The following XXYLT1 variants were observed in gnomAD, a reference collection of about 807,000 sequenced individuals.
XXYLT1 encodes xyloside xylosyltransferase 1.
A neutral mutation model predicts 28.9 loss-of-function variants in XXYLT1; 20 were observed. The observed-to-expected ratio is 0.69, with a 90% CI of 0.49 to 1.00. The LOEUF is 1.00. XXYLT1 is among the 50% of genes least tolerant of loss of function. XXYLT1 has a pLI of 0.00. For missense variants in XXYLT1, 542 were observed against 560.1 expected, an observed-to-expected ratio of 0.97 and a Z score of 0.33; for synonymous variants, 257 against 253.8, an observed-to-expected ratio of 1.01 and a Z score of -0.12.
At position 195,175,621 on chromosome 3, in the gene XXYLT1, T is replaced by C. The variant is rs1379921172; in HGVS notation, c.653-19040A>G. Reference sequence around the variant, plus strand: ...TGGACACGGTAGTAACAGACATCGCTAGTGCTCACCCGCACTCTGCCTTCC... The same window carrying C: ...TGGACACGGTAGTAACAGACATCGCCAGTGCTCACCCGCACTCTGCCTTCC... On this transcript the variant is annotated intron_variant, in intron 2 of 3. Coordinates refer to ENST00000310380, the MANE Select transcript of XXYLT1 (RefSeq NM_152531.5). The C allele has an allele frequency of 3.3e-6, 5 of 1,536,044 alleles. No homozygotes were observed. The East Asian group carries it at 7.3e-5, about 23-fold the overall frequency.
chr3:195,206,930 A>G (rs1215945867), intron 2 of XXYLT1, among the ~76,000 whole-genome samples: 3 of 152,140 alleles, frequency 2.0e-5, no homozygotes, highest in African/African-American at 7.2e-5. Flanking sequence ...GTACACAGGC[A>G]TTCATTATGC....
intron 1 of XXYLT1, chr3:195,247,645 C>T (rs1725082027): frequency 1.8e-6 from 1 of 562,578 alleles, no homozygotes; most frequent in Admixed American, 2.9e-5. Flanking sequence ...CCCCAGACAG[C>T]CCTGCCAGGC....
In XXYLT1 at chr3:195,180,980, G is replaced by A. The variant is rs1324516242; in HGVS notation, c.653-24399C>T. On this transcript the variant is annotated intron_variant, in intron 2 of 3. Coordinates refer to ENST00000310380, the MANE Select transcript of XXYLT1 (RefSeq NM_152531.5). The surrounding 1 kb of genome is among the most constrained non-coding windows in gnomAD (Gnocchi z 5.8). ...AACTGATTTCAAGGAATTCAGTTCA[G>A]ACAAAGGGCTAAAGGGTGGTGACTC... 1.4e-4 allele frequency among the ~76,000 whole-genome samples: 22 copies of A among 152,218 alleles called. No individual in the cohort carries two copies. Among genetic ancestry groups the A allele is most frequent in the Non-Finnish European group, 2.9e-5 (2 of 68,042 alleles).
chr3:195,106,332 T>C (rs1426324843), intron 3 of XXYLT1, among the ~76,000 whole-genome samples: 1 of 152,164 alleles, frequency 6.6e-6, no homozygotes. Flanking sequence ...AGAGATGCTC[T>C]TGTTGTGTTT....
rs186642126 is a variant in XXYLT1, at chr3:195,241,069, C to T, written c.505-14213G>A. ...TTGGAAATGGCCTCTCCCACTCTCC[C>T]ACTCTCAGGCCTCGTCAAGCCTGGC... On this transcript the variant is annotated intron_variant, in intron 1 of 3. Coordinates refer to ENST00000310380, the MANE Select transcript of XXYLT1 (RefSeq NM_152531.5). Among the ~76,000 whole-genome samples the T allele has an allele frequency of 5.8e-4, 88 of 152,368 alleles. 2 individuals are homozygous for T. Among genetic ancestry groups the T allele is most frequent in the Non-Finnish European group, 1.0e-4 (7 of 68,034 alleles).
intron 1 of XXYLT1, among the ~76,000 whole-genome samples, chr3:195,232,009 T>C (rs960679756): frequency 6.6e-6 from 1 of 152,118 alleles, no homozygotes; most frequent in Non-Finnish European, 1.5e-5. Context: ...GAGAAGCCAT[T>C]GCATCCTTGG....
chr3:195,250,542 C>T (rs536807935), intron 1 of XXYLT1, among the ~76,000 whole-genome samples: 5 of 148,240 alleles, frequency 3.4e-5, no homozygotes, highest in East Asian at 2.0e-4. Flanking sequence ...CCAGCCTGGG[C>T]GGCAAGAGTG....
chr3:195,173,094 T>C lies in XXYLT1; in HGVS notation c.653-16513A>G, dbSNP rs1721490504. Reference sequence around the variant, plus strand: ...GCACCTCTCCATGCCTCTACCCTGATCCTGGCGTCCTGGTACACATCTTGC... The same window carrying C: ...GCACCTCTCCATGCCTCTACCCTGACCCTGGCGTCCTGGTACACATCTTGC... On this transcript the variant is annotated intron_variant, in intron 2 of 3. Coordinates refer to ENST00000310380, the MANE Select transcript of XXYLT1 (RefSeq NM_152531.5). The surrounding 1 kb of genome is among the most constrained non-coding windows in gnomAD (Gnocchi z 4.3). Among the ~76,000 whole-genome samples the C allele has an allele frequency of 6.6e-6, 1 of 152,192 alleles. No homozygotes were observed. The highest frequency in any genetic ancestry group is 1.5e-5 in the Non-Finnish European group (1 of 68,048).
rs1299462367 is a variant in XXYLT1 at position 195,150,838 on chromosome 3, ACTCT to A, written c.785+5607_785+5610del. 4.6e-5 allele frequency among the ~76,000 whole-genome samples: 4 copies of A among 86,974 alleles called. No individual in the cohort carries two copies. Among genetic ancestry groups the A allele is most frequent in the Admixed American group, 2.3e-4 (2 of 8,634 alleles). 57.1% of individuals were successfully genotyped at this position (86,974 alleles called of 152,430 possible). On this transcript the variant is annotated intron_variant, in intron 3 of 3. Transcript: ENST00000310380. The surrounding 1 kb of genome is among the most constrained non-coding windows in gnomAD (Gnocchi z 4.7). ...TACACACACACTCACACATACGCAC[ACTCT>A]CTCACACACTCTCACACACACACAC...
intron 3 of XXYLT1, among the ~76,000 whole-genome samples, chr3:195,123,419 G>C (rs1186091278): frequency 1.3e-5 from 2 of 152,166 alleles, no homozygotes; most frequent in Non-Finnish European, 2.9e-5. Context: ...CCTGACTGAT[G>C]AGGCTTTGGG....
chr3:195,190,049 T>C (rs1334057802), intron 2 of XXYLT1, among the ~76,000 whole-genome samples: 12 of 150,532 alleles, frequency 8.0e-5, no homozygotes, highest in African/African-American at 5.0e-5. Context: ...GGCAATGTGA[T>C]GACATAAAGT....
At chr3:195,247,535 T>C (rs1725077880) in intron 1 of XXYLT1, among the ~76,000 whole-genome samples, 2 of 152,220 alleles carry the variant, frequency 1.3e-5, no homozygotes. Flanking sequence ...CCGGCCTCTC[T>C]TGAAACTGGC....
chr3:195,142,898 C>T (rs1719567423), intron 3 of XXYLT1, among the ~76,000 whole-genome samples: 1 of 152,216 alleles, frequency 6.6e-6, no homozygotes, highest in Non-Finnish European at 1.5e-5. Context: ...CCCTCCATTC[C>T]TCCCTGGCCA....
chr3:195,089,958 A>G (rs561834946), intron 3 of XXYLT1, among the ~76,000 whole-genome samples: 2 of 152,050 alleles, frequency 1.3e-5, no homozygotes, highest in East Asian at 3.9e-4. Flanking sequence ...AAAGGGATCA[A>G]TTCAACAAGA....
intron 2 of XXYLT1, among the ~76,000 whole-genome samples, chr3:195,196,565 C>A (rs562561493): frequency 6.6e-6 from 1 of 152,124 alleles, no homozygotes; most frequent in Non-Finnish European, 1.5e-5. Context: ...GGCAGATAGG[C>A]GGAGAAAGAG....
intron 2 of XXYLT1, among the ~76,000 whole-genome samples, chr3:195,169,755 G>A (rs1721303725): frequency 6.6e-6 from 1 of 151,768 alleles, no homozygotes; most frequent in Non-Finnish European, 1.5e-5. Flanking sequence ...TGTAATCACA[G>A]GGATAAATAT....
intron 3 of XXYLT1, among the ~76,000 whole-genome samples, chr3:195,111,647 T>TTA (rs1294698948): frequency 6.6e-6 from 1 of 152,136 alleles, no homozygotes; most frequent in Admixed American, 6.5e-5. Context: ...TGAACGAGTA[T>TTA]TATACTATCA....
At chr3:195,128,328 T>C (rs1874101) in intron 3 of XXYLT1, among the ~76,000 whole-genome samples, 29,035 of 151,994 alleles carry the variant, frequency 0.19, 3,347 homozygotes, top group East Asian at 0.57. Flanking sequence ...CCTTAACCCA[T>C]AGCGCATTCA....
chr3:195,103,141 CTG>C (rs1227370428), intron 3 of XXYLT1, among the ~76,000 whole-genome samples: 1 of 152,232 alleles, frequency 6.6e-6, no homozygotes, highest in Non-Finnish European at 1.5e-5. Context: ...ACAGTCAGTG[CTG>C]TGGGGGGCAG....
Sources: allele counts gnomAD v4.1 joint callset (sites outside exome capture counted in the v4.1 genomes callset), GRCh38; gene constraint gnomAD v4.1.1; non-coding constraint Gnocchi (gnomAD v3.1); transcripts MANE v1.5; gene names NCBI Gene and HGNC (gene_info 2026-07-23, HGNC 2026-07-21).